The following DLC1 variants were observed in gnomAD, a reference collection of about 807,000 sequenced individuals.
The protein encoded by DLC1 is DLC1 Rho GTPase activating protein, also known as rho GTPase-activating protein 7.
A neutral mutation model predicts 140.3 loss-of-function variants in DLC1; 54 were observed. The ratio of observed to expected loss-of-function variants is 0.38; its 90% CI spans 0.31 to 0.48. The LOEUF is 0.48. Among genes scored for constraint, DLC1 ranks in the 20% least tolerant of loss-of-function variants. The probability of loss-of-function intolerance (pLI) is 0.96; values close to 1 mark genes in which losing one functional copy is unlikely to be tolerated. For synonymous variants in DLC1, 986 were observed against 728.1 expected (o/e 1.35, Z -5.70); for missense variants, 2,536 against 1,907.0 (o/e 1.33, Z -6.14).
chr8:13,336,397 G>A lies in DLC1; in HGVS notation c.1315-31095C>T, dbSNP rs181791560. Among the ~76,000 whole-genome samples, 436 of 152,176 alleles carry A rather than the reference G, an allele frequency of 2.9e-3. 6 individuals are homozygous for A. Among genetic ancestry groups the A allele is most frequent in the African/African-American group, 8.4e-3 (347 of 41,522 alleles). On this transcript the variant is annotated intron_variant, in intron 4 of 17. Transcript: ENST00000276297. ...ACACTATATTAATTTTTCAGACTAC[G>A]AAAAGTCACAATTCCAGGAGAAAGT... is the stretch of plus-strand genomic sequence containing the variant.
rs546093680 is a variant in DLC1 at position 13,357,462 on chromosome 8, G to A, written c.1314+36091C>T. ...CCAGGCCTGAGCCCCAGCACGTTGT[G>A]AGATGCTTTATATAGAAGAGCACTG... On this transcript the variant is annotated intron_variant, in intron 4 of 17. Transcript: ENST00000276297. 1.0e-3 allele frequency among the ~76,000 whole-genome samples: 156 copies of A among 152,342 alleles called. 4 individuals are homozygous for A. In the South Asian group the frequency reaches 0.032, roughly 31 times the overall value.
At chr8:13,161,453 C>T (rs909855988) in intron 5 of DLC1, among the ~76,000 whole-genome samples, 2 of 152,148 alleles carry the variant, frequency 1.3e-5, no homozygotes, top group African/African-American at 4.8e-5. Context: ...CATCCTCCCA[C>T]CTCAGCCTCC....
At chr8:13,566,899 A>G (rs1056322344) in intron 1 of DLC1, 1 of 1,420,792 alleles carries the variant, frequency 7.0e-7, no homozygotes, top group Non-Finnish European at 9.3e-7. Context: ...GATGGCATTG[A>G]GATCCATTCC....
At chr8:13,387,236 C>A (rs111773254) in intron 4 of DLC1, among the ~76,000 whole-genome samples, 2 of 151,836 alleles carry the variant, frequency 1.3e-5, no homozygotes, top group African/African-American at 2.4e-5. Context: ...ATTCTTTCCC[C>A]AAGACTTCAG....
At position 13,499,816 on chromosome 8, in the gene DLC1, C is replaced by T. The variant is rs758859229; in HGVS notation, c.256G>A (p.Asp86Asn). 1 of 1,614,062 alleles carries T rather than the reference C, an allele frequency of 6.2e-7. No homozygotes were observed. Among genetic ancestry groups the T allele is most frequent in the Non-Finnish European group, 8.5e-7 (1 of 1,180,016 alleles). The change falls in exon 2 of 18, where the codon GAC (aspartate) becomes AAC (asparagine). Residue 86 changes from aspartate to asparagine, a missense_variant. By Grantham distance (23) the Asp-to-Asn change is conservative. Transcript: ENST00000276297. The stretch of plus-strand genomic sequence containing the variant: ...TCACCTTCATGGCTGTCATTTTCGT[C>T]CACATCCTTTGAAAGATGACCCATT... ...RPMGHLSKDV[D>N]ENDSHEGEDQ... is the part of the protein sequence containing the mutation.
chr8:13,083,418 C>T lies in DLC1; in HGVS notation c.*2393G>A, dbSNP rs910242079. 2.0e-5 allele frequency: 3 copies of T among 152,072 alleles called. No individual in the cohort carries two copies. The highest frequency in any genetic ancestry group is 2.1e-4 in the South Asian group (1 of 4,820). 9.4% of individuals were successfully genotyped at this position (152,072 alleles called of 1,614,324 possible). On this transcript the variant is annotated 3_prime_UTR_variant, in exon 18 of 18. Coordinates refer to ENST00000276297, the MANE Select transcript of DLC1 (RefSeq NM_182643.3). ...CCTACAAGTACAAAATACTGAAAGC[C>T]GCTGCAGGGGATTATAAAGATGTGT... is the stretch of plus-strand genomic sequence containing the variant.
At chr8:13,277,548 A>C (rs906382944) in intron 5 of DLC1, among the ~76,000 whole-genome samples, 4 of 152,194 alleles carry the variant, frequency 2.6e-5, no homozygotes, top group Admixed American at 6.5e-5. Flanking sequence ...ATGTAAAAAA[A>C]GTTCCAAGCA....
rs1454934936 is a variant in DLC1 at position 13,579,359 on chromosome 8, A to ATTT, written c.-126+25177_-126+25178insAAA. 1.8e-4 allele frequency among the ~76,000 whole-genome samples: 5 copies of ATTT among 27,180 alleles called. 1 individual carries two copies. The East Asian group carries it at 7.0e-3, about 38-fold the overall frequency. The allele number at this position is 27,180 out of a possible 152,430, so 17.8% of individuals were successfully genotyped here. ...TATATATATATATATATATATATAT[A>ATTT]TATTTTTATATAATACATATTTATA... On this transcript the variant is annotated intron_variant, in intron 1 of 1. Transcript: ENST00000631382.
chr8:13,265,741 T>C (rs1830661080), intron 5 of DLC1, among the ~76,000 whole-genome samples: 1 of 145,620 alleles, frequency 6.9e-6, no homozygotes, highest in Admixed American at 6.9e-5. Flanking sequence ...TCCCCTTCCC[T>C]CCTTTCCTTT....
intron 4 of DLC1, among the ~76,000 whole-genome samples, chr8:13,331,068 G>C (rs1729098): frequency 6.6e-6 from 1 of 152,088 alleles, no homozygotes; most frequent in Non-Finnish European, 1.5e-5. Flanking sequence ...TTTATGATTC[G>C]CCCAGAGCCA....
At chr8:13,458,831 A>G (rs1438980652) in intron 2 of DLC1, among the ~76,000 whole-genome samples, 3 of 71,982 alleles carry the variant, frequency 4.2e-5, no homozygotes, top group African/African-American at 8.1e-5. Context: ...CTTCATTTGG[A>G]AAAAAAAAAA....
chr8:13,300,187 A>ATGCCAT (rs1832132510), intron 5 of DLC1, among the ~76,000 whole-genome samples: 1 of 152,202 alleles, frequency 6.6e-6, no homozygotes, highest in South Asian at 2.1e-4. Flanking sequence ...CAGGAACAGA[A>ATGCCAT]AACCAAACCC....
At chr8:13,302,228 G>C (rs74728057) in intron 5 of DLC1, among the ~76,000 whole-genome samples, 7,769 of 152,268 alleles carry the variant, frequency 0.051, 251 homozygotes, top group South Asian at 0.12. Context: ...GAGAAGGAGG[G>C]ATGCCTGCCT....
At chr8:13,452,138 TGAA>T (rs1799092326) in intron 2 of DLC1, among the ~76,000 whole-genome samples, 2 of 151,642 alleles carry the variant, frequency 1.3e-5, no homozygotes, top group South Asian at 4.2e-4. Flanking sequence ...TAGCAACATT[TGAA>T]GAGTTATCTA....
At chr8:13,190,902 C>T (rs1010030313) in intron 5 of DLC1, among the ~76,000 whole-genome samples, 2 of 151,916 alleles carry the variant, frequency 1.3e-5, no homozygotes, top group Admixed American at 6.6e-5. Context: ...CCTTTCTTCA[C>T]CAAAATGTTC....
chr8:13,275,744 G>C (rs1016351511), intron 5 of DLC1, among the ~76,000 whole-genome samples: 1 of 152,142 alleles, frequency 6.6e-6, no homozygotes, highest in African/African-American at 2.4e-5. Context: ...TTGGAACCGA[G>C]AGTAGCTCCA....
At chr8:13,581,535 T>C (rs1014268844) in intron 1 of DLC1, among the ~76,000 whole-genome samples, 9 of 152,216 alleles carry the variant, frequency 5.9e-5, no homozygotes, top group Admixed American at 2.0e-4. Flanking sequence ...ATTTTCTTCA[T>C]CCAAGATTTA....
intron 2 of DLC1, among the ~76,000 whole-genome samples, chr8:13,413,572 C>G (rs1837906577): frequency 6.6e-6 from 1 of 151,664 alleles, no homozygotes; most frequent in Non-Finnish European, 1.5e-5. Flanking sequence ...GCTTTGTGCC[C>G]CACCCAAATC....
chr8:13,186,920 G>C (rs1826405504), intron 5 of DLC1, among the ~76,000 whole-genome samples: 1 of 152,196 alleles, frequency 6.6e-6, no homozygotes, highest in Admixed American at 6.5e-5. Context: ...CTCAGCTGCA[G>C]GTCTGTTGGA....
Sources: gnomAD v4.1 joint callset for allele counts (sites outside exome capture counted in the v4.1 genomes callset) on GRCh38, gnomAD v4.1.1 for gene constraint, MANE v1.5 for transcripts, NCBI Gene and HGNC (gene_info 2026-07-23, HGNC 2026-07-21) for gene names.